EXTL3: variants seen among roughly 807,000 people sequenced by gnomAD.
The protein encoded by EXTL3 is exostosin-like 3.
In EXTL3, 27 loss-of-function variants were observed where a neutral mutation model predicts 69.3. That is an observed-to-expected ratio of 0.39 (90% CI 0.29 to 0.54). EXTL3 has a LOEUF of 0.54. Among genes scored for constraint, EXTL3 ranks in the 20% least tolerant of loss-of-function variants. The pLI, the probability that EXTL3 is intolerant of heterozygous loss-of-function variation, is 0.69. For synonymous variants in EXTL3, 511 were observed against 499.4 expected, an observed-to-expected ratio of 1.02 and a Z score of -0.31; for missense variants, 1,003 against 1,231.8, an observed-to-expected ratio of 0.81 and a Z score of 2.78.
rs1361473480 is a variant in EXTL3, at chr8:28,717,433, T to C, written c.1374T>C (p.Gly458=). The C allele has an allele frequency of 6.2e-6, 10 of 1,614,052 alleles. No homozygotes were observed. The highest frequency in any genetic ancestry group is 1.7e-5 in the Admixed American group (1 of 60,010). The change falls in exon 3 of 7, where the codon GGT becomes GGC. Residue 458 remains glycine (G), a synonymous_variant. Transcript: ENST00000220562. This position sits in a 1 kb window ranked among gnomAD's most constrained non-coding sequence, Gnocchi z 8.3. ...GGCTCTTCGAAGCCCTGGAAGTCGG[T>C]GCCGTCCCGGTGGTGCTGGGGGAGC... ...ATRLFEALEV[G]AVPVVLGEQV...
chr8:28,661,746 G>A (rs1258954906), intron 1 of EXTL3, among the ~76,000 whole-genome samples: 4 of 151,718 alleles, frequency 2.6e-5, no homozygotes, highest in African/African-American at 9.7e-5. Flanking sequence ...TTAGCTGGTT[G>A]TGGTGGCAGG....
intron 1 of EXTL3, among the ~76,000 whole-genome samples, chr8:28,679,230 G>A (rs890822983): frequency 3.6e-4 from 54 of 151,954 alleles, no homozygotes; most frequent in African/African-American, 1.2e-3. Context: ...GGCAGATCAC[G>A]AGGTCAAGAG....
intron 1 of EXTL3, among the ~76,000 whole-genome samples, chr8:28,637,669 C>T (rs879790346): frequency 4.0e-5 from 6 of 151,886 alleles, no homozygotes; most frequent in Non-Finnish European, 5.9e-5. Context: ...TTGGCCTGTG[C>T]TCTAGGCCTT....
At chr8:28,684,842 A>C (rs2856801) in intron 1 of EXTL3, among the ~76,000 whole-genome samples, 42,896 of 151,996 alleles carry the variant, frequency 0.28, 6,019 homozygotes, top group Middle Eastern at 0.35. Context: ...CAATTGTTAA[A>C]ATTTTGCTAT....
At chr8:28,723,949 G>C (rs1470265668) in intron 3 of EXTL3, among the ~76,000 whole-genome samples, 1 of 151,546 alleles carries the variant, frequency 6.6e-6, no homozygotes, top group East Asian at 1.9e-4. Flanking sequence ...CCAGGTCTTA[G>C]GACTTCTGAC....
At chr8:28,680,905 TCTCA>T (rs1384646110) in intron 1 of EXTL3, among the ~76,000 whole-genome samples, 1 of 152,102 alleles carries the variant, frequency 6.6e-6, no homozygotes, top group Non-Finnish European at 1.5e-5. Flanking sequence ...TGAGACAAAG[TCTCA>T]CTCTGTCGCC....
In EXTL3 at chr8:28,716,455, G is replaced by C; in HGVS notation, c.396G>C (p.Lys132Asn). Residue 132 changes from lysine (K) to asparagine (N), a missense_variant, in exon 3 of 7, where the codon AAG becomes AAC. Physicochemically the swap from Lys to Asn is moderately conservative, Grantham distance 94 (BLOSUM62 0). Around this residue, in one of 2 missense-constraint regions of EXTL3, gnomAD observed 742 missense variants for 815.4 expected, o/e 0.91. Coordinates refer to ENST00000220562, the MANE Select transcript of EXTL3 (RefSeq NM_001440.4). The surrounding 1 kb of genome is among the most constrained non-coding windows in gnomAD (Gnocchi z 7.1). ...CCAAGCAGGACCTGCTCCAGCTCAA[G>C]AATGTCATCAGCCAGACCGAGCATT... is the stretch of plus-strand genomic sequence containing the variant. ...ENAKQDLLQL[K>N]NVISQTEHSY... 4 of 1,613,878 alleles carry C rather than the reference G, an allele frequency of 2.5e-6. No individual in the cohort carries two copies. Among genetic ancestry groups the C allele is most frequent in the Non-Finnish European group, 3.4e-6 (4 of 1,179,988 alleles).
intron 1 of EXTL3, among the ~76,000 whole-genome samples, chr8:28,712,579 T>G (rs529326215): frequency 2.0e-5 from 3 of 152,228 alleles, no homozygotes; most frequent in Admixed American, 6.5e-5. Context: ...GAGGCTGATA[T>G]GTTTATTGTC....
intron 1 of EXTL3, among the ~76,000 whole-genome samples, chr8:28,653,083 T>G (rs1005869941): frequency 4.6e-5 from 7 of 152,212 alleles, no homozygotes; most frequent in African/African-American, 1.7e-4. Context: ...ATGCAAGTTT[T>G]GATGAGTGTA....
chr8:28,736,202 C>T (rs1045465905), intron 4 of EXTL3, among the ~76,000 whole-genome samples: 7 of 152,076 alleles, frequency 4.6e-5, no homozygotes, highest in African/African-American at 1.7e-4. Flanking sequence ...TAAAAAAACC[C>T]ACCTAGAAGG....
intron 1 of EXTL3, among the ~76,000 whole-genome samples, chr8:28,643,159 G>A (rs1227322652): frequency 6.6e-6 from 1 of 152,038 alleles, no homozygotes; most frequent in Admixed American, 6.6e-5. Context: ...CAGAAGAATC[G>A]CTTGAACCTG....
At chr8:28,729,159 G>A (rs941279394) in intron 3 of EXTL3, among the ~76,000 whole-genome samples, 6 of 151,828 alleles carry the variant, frequency 4.0e-5, no homozygotes, top group Admixed American at 1.3e-4. Context: ...GCTGGGCATG[G>A]TGGTATCTGC....
intron 1 of EXTL3, among the ~76,000 whole-genome samples, chr8:28,704,289 G>C (rs1327297780): frequency 6.6e-6 from 1 of 152,232 alleles, no homozygotes; most frequent in East Asian, 1.9e-4. Flanking sequence ...ATGAACTGTA[G>C]AATCTGTTGG....
chr8:28,622,310 G>T (rs146412206), upstream of EXTL3, among the ~76,000 whole-genome samples: 988 of 152,358 alleles, frequency 6.5e-3, 9 homozygotes, highest in African/African-American at 0.023. Context: ...AGCGACCGGC[G>T]CCCTCTGCGC....
rs1198780767 is a variant in EXTL3, at chr8:28,658,876, C to T, written c.-53+36066C>T. Reference sequence around the variant, plus strand: ...GATTATAGGCATGAGCCACTGCACCCGGCCCTCCTCATGCACTTTTATACC... The same window carrying T: ...GATTATAGGCATGAGCCACTGCACCTGGCCCTCCTCATGCACTTTTATACC... On this transcript the variant is annotated intron_variant, in intron 1 of 6. Transcript: ENST00000523149. Among the ~76,000 whole-genome samples the T allele has an allele frequency of 2.6e-5, 4 of 152,174 alleles. No individual in the cohort carries two copies. In the South Asian group the frequency reaches 6.2e-4, roughly 24 times the overall value.
chr8:28,642,655 C>T (rs979394405), intron 1 of EXTL3, among the ~76,000 whole-genome samples: 3 of 151,774 alleles, frequency 2.0e-5, no homozygotes, highest in Non-Finnish European at 2.9e-5. Context: ...AAAGTGGAAC[C>T]GATTGACCAA....
intron 1 of EXTL3, among the ~76,000 whole-genome samples, chr8:28,642,592 G>A (rs779570635): frequency 9.2e-5 from 14 of 151,940 alleles, no homozygotes; most frequent in African/African-American, 2.4e-4. Context: ...TACTCCAGTC[G>A]GGGAGACAGA....
chr8:28,665,354 C>G (rs1251284333), intron 1 of EXTL3, among the ~76,000 whole-genome samples: 1 of 151,080 alleles, frequency 6.6e-6, no homozygotes, highest in Non-Finnish European at 1.5e-5. Context: ...GGGTTATAGG[C>G]GTGAGCCACC....
upstream of EXTL3, among the ~76,000 whole-genome samples, chr8:28,622,456 A>G (rs944441380): frequency 2.5e-4 from 38 of 152,228 alleles, no homozygotes; most frequent in Admixed American, 1.4e-3. Flanking sequence ...TGGGGCCTGC[A>G]CGACAGTCTT....
Sources: gnomAD v4.1 joint callset for allele counts (sites outside exome capture counted in the v4.1 genomes callset) on GRCh38, gnomAD v4.1.1 for gene constraint, gnomAD v4.1.1 regional missense constraint, Gnocchi (gnomAD v3.1) non-coding constraint, MANE v1.5 for transcripts, NCBI Gene and HGNC (gene_info 2026-07-23, HGNC 2026-07-21) for gene names.